Variants in GAPVD1 observed in about 807,000 individuals in gnomAD.
The protein encoded by GAPVD1 is GTPase-activating protein and VPS9 domain-containing protein 1.
GAPVD1 carries 35 observed loss-of-function variants against 155.5 expected under a neutral mutation model. The ratio of observed to expected loss-of-function variants is 0.23; its 90% CI spans 0.17 to 0.30. The LOEUF (loss-of-function observed/expected upper bound fraction) is 0.30. Among genes scored for constraint, GAPVD1 ranks in the 10% least tolerant of loss-of-function variants. The pLI is 1.00. For missense variants in GAPVD1, 1,429 were observed against 1,775.7 expected, an observed-to-expected ratio of 0.80 and a Z score of 3.51; for synonymous variants, 636 against 619.7, an observed-to-expected ratio of 1.03 and a Z score of -0.39.
chr9:125,293,879 T>A (rs916619748), intron 2 of GAPVD1, among the ~76,000 whole-genome samples: 1 of 20,376 alleles, frequency 4.9e-5, no homozygotes, highest in African/African-American at 2.0e-4. Context: ...TATATATATA[T>A]ATATATATAT....
chr9:125,281,873 G>A (rs1416456806), intron 2 of GAPVD1, among the ~76,000 whole-genome samples: 1 of 151,474 alleles, frequency 6.6e-6, no homozygotes, highest in African/African-American at 2.4e-5. Flanking sequence ...GGAATACAGT[G>A]GTGGGATCTG....
rs765571418 is a variant in GAPVD1, at chr9:125,302,471, G to A, written c.674G>A (p.Arg225Lys). The A allele has an allele frequency of 1.9e-6, 3 of 1,613,550 alleles. No individual in the cohort carries two copies. Among genetic ancestry groups the A allele is most frequent in the Non-Finnish European group, 1.7e-6 (2 of 1,179,814 alleles). Residue 225 changes from arginine to lysine, a missense_variant, in exon 5 of 28, where the codon AGG becomes AAG. Arg to Lys is a conservative substitution (Grantham distance 26). Coordinates refer to ENST00000297933, the MANE Select transcript of GAPVD1 (RefSeq NM_001282680.3). ...LETDPNKLIE[R>K]FSPSQQEKLF... ...ACAGATCCAAACAAGCTAATTGAGA[G>A]GTTCTCTCCATCTCAGCAGGAAAAA...
intron 1 of GAPVD1, among the ~76,000 whole-genome samples, chr9:125,266,094 T>C (rs1390858981): frequency 6.7e-6 from 1 of 149,760 alleles, no homozygotes; most frequent in Non-Finnish European, 1.5e-5. Context: ...GGATTATGAA[T>C]GGGAGGTAGT....
At chr9:125,345,390 A>G (rs1848383665) in intron 19 of GAPVD1, among the ~76,000 whole-genome samples, 1 of 152,188 alleles carries the variant, frequency 6.6e-6, no homozygotes, top group Non-Finnish European at 1.5e-5. Context: ...CATGTTGGCC[A>G]GGCTGGTCTC....
intron 2 of GAPVD1, among the ~76,000 whole-genome samples, chr9:125,291,503 T>C (rs960539354): frequency 6.6e-6 from 1 of 152,018 alleles, no homozygotes; most frequent in Non-Finnish European, 1.5e-5. Flanking sequence ...CAGGTGAAGG[T>C]TAGTTAAAAA....
At position 125,328,020 on chromosome 9, in the gene GAPVD1, T is replaced by A. The variant is rs1250078125; in HGVS notation, c.2032+1431T>A. Among the ~76,000 whole-genome samples, 3 of 152,136 alleles carry A rather than the reference T, an allele frequency of 2.0e-5. No individual in the cohort carries two copies. In the East Asian group the frequency reaches 5.8e-4, roughly 29 times the overall value. On this transcript the variant is annotated intron_variant, in intron 12 of 27. Coordinates refer to ENST00000297933, the MANE Select transcript of GAPVD1 (RefSeq NM_001282680.3). ...TGATATAGCTTTAAAAGGTAACTTT[T>A]ATTAGTAACTTTTTTTCTAATTTTT...
intron 21 of GAPVD1, 121 bp downstream of exon 21, chr9:125,349,640 T>C (rs1478590988): frequency 3.8e-6 from 3 of 782,512 alleles, no homozygotes; most frequent in African/African-American, 1.7e-5. Flanking sequence ...AAAAATGAAA[T>C]GCTGTTTACT....
At chr9:125,266,079 A>T (rs888453435) in intron 1 of GAPVD1, among the ~76,000 whole-genome samples, 1 of 150,918 alleles carries the variant, frequency 6.6e-6, no homozygotes, top group Non-Finnish European at 1.5e-5. Flanking sequence ...TTTCACGTCT[A>T]TAAGGGATTA....
chr9:125,271,379 A>G (rs1025061521), intron 2 of GAPVD1, among the ~76,000 whole-genome samples: 2 of 151,772 alleles, frequency 1.3e-5, no homozygotes, highest in African/African-American at 4.8e-5. Flanking sequence ...ATTTTCTGTG[A>G]ATCTTTGGAA....
chr9:125,319,235 T>C (rs1222372257), intron 9 of GAPVD1, among the ~76,000 whole-genome samples: 1 of 151,408 alleles, frequency 6.6e-6, no homozygotes, highest in African/African-American at 2.4e-5. Context: ...TTAGCTGGGC[T>C]TGGTGGTGTG....
chr9:125,359,079 C>T (rs898320368), intron 25 of GAPVD1, among the ~76,000 whole-genome samples: 1 of 152,146 alleles, frequency 6.6e-6, no homozygotes, highest in Non-Finnish European at 1.5e-5. Flanking sequence ...CCTTCTACTT[C>T]CTCTCACTTT....
At chr9:125,321,336 A>C in intron 9 of GAPVD1, 97 bp from the exon 10 acceptor site, 1 of 800,774 alleles carries the variant, frequency 1.2e-6, no homozygotes, top group Non-Finnish European at 2.0e-6. Flanking sequence ...AAAATTGATA[A>C]TTTAAGATTA....
At chr9:125,319,582 G>A (rs1843977832) in intron 9 of GAPVD1, among the ~76,000 whole-genome samples, 2 of 135,092 alleles carry the variant, frequency 1.5e-5, no homozygotes, top group African/African-American at 5.6e-5. Flanking sequence ...TTAATTTCAA[G>A]CAAATAGGGA....
In GAPVD1 at chr9:125,302,354, C is replaced by G. The variant is rs1296130446; in HGVS notation, c.557C>G (p.Ser186Cys). ...CAFSILFKLF[S>C]EGLFSAKLFL... ...TTCAGCATCTTATTTAAACTTTTTTCTGAAGGACTGTTTTCTGCCAAACTT... is the reference window on the plus strand; with the variant it reads ...TTCAGCATCTTATTTAAACTTTTTTGTGAAGGACTGTTTTCTGCCAAACTT... Residue 186 changes from serine to cysteine, a missense_variant, in exon 5 of 28, where the codon TCT becomes TGT. By Grantham distance (112) the Ser-to-Cys change is moderately radical. This residue lies in a region of GAPVD1 where 628 missense variants were observed against 733.4 expected (regional missense o/e 0.86). Coordinates refer to ENST00000297933, the MANE Select transcript of GAPVD1 (RefSeq NM_001282680.3). 6.2e-7 allele frequency: 1 copy of G among 1,614,074 alleles called. No homozygotes were observed. Among genetic ancestry groups the G allele is most frequent in the Non-Finnish European group, 8.5e-7 (1 of 1,179,984 alleles).
intron 12 of GAPVD1, among the ~76,000 whole-genome samples, chr9:125,328,838 C>A (rs976128697): frequency 1.3e-5 from 2 of 151,992 alleles, no homozygotes; most frequent in African/African-American, 2.4e-5. Flanking sequence ...GGCTGACCCC[C>A]CCCCCACCTC....
chr9:125,355,878 T>G (rs1850001107), intron 25 of GAPVD1, 21 bp downstream of exon 25: 1 of 1,347,630 alleles, frequency 7.4e-7, no homozygotes, highest in African/African-American at 1.4e-5. Context: ...CTATGTTGAG[T>G]GCCTATGTGG....
intron 21 of GAPVD1, 113 bp from the exon 22 acceptor site, chr9:125,350,181 TA>T: frequency 1.5e-6 from 1 of 667,636 alleles, no homozygotes; most frequent in South Asian, 1.8e-5. Flanking sequence ...TCATCTTCTT[TA>T]AAATGTTTGA....
chr9:125,365,027 G>C lies in GAPVD1; in HGVS notation c.*2281G>C, dbSNP rs777991505. On this transcript the variant is annotated 3_prime_UTR_variant, in exon 28 of 28. Coordinates refer to ENST00000297933, the MANE Select transcript of GAPVD1 (RefSeq NM_001282680.3). ...GGACATTGCATCGGGGCTCTTTTCT[G>C]TGGAAGAGAAGGTGGTGGGATTGGG... The C allele has an allele frequency of 6.6e-6, 1 of 152,276 alleles. No individual in the cohort carries two copies. Among genetic ancestry groups the C allele is most frequent in the Non-Finnish European group, 1.5e-5 (1 of 68,066 alleles). The allele number at this position is 152,276 out of a possible 1,614,324, so 9.4% of individuals were successfully genotyped here.
chr9:125,346,453 A>T, intron 19 of GAPVD1: 1 of 281,782 alleles, frequency 3.5e-6, no homozygotes, highest in Non-Finnish European at 6.9e-6. Flanking sequence ...GTCTGAATAA[A>T]TGAAGTCTGC....
Sources: allele counts gnomAD v4.1 joint callset (sites outside exome capture counted in the v4.1 genomes callset), GRCh38; gene constraint gnomAD v4.1.1; regional missense constraint gnomAD v4.1.1; transcripts MANE v1.5; gene names NCBI Gene and HGNC (gene_info 2026-07-23, HGNC 2026-07-21).